PNPLA7: variants seen among roughly 807,000 people sequenced by gnomAD.
PNPLA7 encodes patatin-like phospholipase domain-containing protein 7.
A neutral mutation model predicts 161.7 loss-of-function variants in PNPLA7; 153 were observed. The ratio of observed to expected loss-of-function variants is 0.95; its 90% confidence interval spans 0.83 to 1.08. PNPLA7 has a LOEUF of 1.08. Ranked by LOEUF, PNPLA7 falls within the 50% of genes least tolerant of loss-of-function variation. The pLI is 0.00. For synonymous variants in PNPLA7, 809 were observed against 782.1 expected, an observed-to-expected ratio of 1.03 and a Z score of -0.57; for missense variants, 1,739 against 1,856.6, an observed-to-expected ratio of 0.94 and a Z score of 1.16.
chr9:137,533,385 G>A (rs1835689888), intron 8 of PNPLA7, among the ~76,000 whole-genome samples: 1 of 115,980 alleles, frequency 8.6e-6, no homozygotes, highest in Non-Finnish European at 1.7e-5. Flanking sequence ...AGACTCCTCA[G>A]TGAATGTCCA....
At chr9:137,498,862 C>T (rs147028337) in intron 16 of PNPLA7, among the ~76,000 whole-genome samples, 2,210 of 152,290 alleles carry the variant, frequency 0.015, 29 homozygotes, top group Middle Eastern at 0.044. Flanking sequence ...CGCCGGGCGA[C>T]TCCAGGCCTA....
At chr9:137,542,948 AT>A in intron 6 of PNPLA7, 147 bp from the exon 7 acceptor site, 1 of 751,418 alleles carries the variant, frequency 1.3e-6, no homozygotes, top group Non-Finnish European at 2.1e-6. Context: ...ACCACACAGC[AT>A]TACTGCCAAA....
chr9:137,530,018 G>A (rs1193509495), intron 8 of PNPLA7, among the ~76,000 whole-genome samples: 1 of 150,770 alleles, frequency 6.6e-6, no homozygotes, highest in Non-Finnish European at 1.5e-5. Flanking sequence ...AGGCTGTGGT[G>A]CAGTGGCATG....
rs993329688 is a variant in PNPLA7 at position 137,500,330 on chromosome 9, T to G, written c.1757+361A>C. Among the ~76,000 whole-genome samples, 6 of 152,164 alleles carry G rather than the reference T, an allele frequency of 3.9e-5. No homozygotes were observed. Among genetic ancestry groups the G allele is most frequent in the Admixed American group, 3.9e-4 (6 of 15,286 alleles). On this transcript the variant is annotated intron_variant, in intron 16 of 34. Coordinates refer to ENST00000406427, the MANE Select transcript of PNPLA7 (RefSeq NM_001098537.3). The surrounding 1 kb of genome is among the most constrained non-coding windows in gnomAD (Gnocchi z 5.5). Reference sequence around the variant, plus strand: ...CAGAGGTGGGACGGCTCACGGCCCCTGAAGCCCGGCCCTGCCCCAACGTGG... The same window carrying G: ...CAGAGGTGGGACGGCTCACGGCCCCGGAAGCCCGGCCCTGCCCCAACGTGG...
chr9:137,479,142 ACT>A lies in PNPLA7; in HGVS notation c.2675_2676del (p.Glu892ValfsTer105), dbSNP rs765823036. 1 of 1,590,758 alleles carries A rather than the reference ACT, an allele frequency of 6.3e-7. No individual in the cohort carries two copies. Among genetic ancestry groups the A allele is most frequent in the Admixed American group, 1.8e-5 (1 of 56,854 alleles). ...EEGPAPARTV[E>X]WLNMRSWCSG... ...GAGCACCAGCTCCGCATGTTGAGCC[ACT>A]CCACGGTGCGCGCTGGCGCCGGGCC... On this transcript the variant is annotated frameshift_variant, in exon 24 of 35. Transcript: ENST00000406427. LOFTEE classifies it high-confidence loss of function.
At position 137,495,123 on chromosome 9, in the gene PNPLA7, G is replaced by T. The variant is rs1832982290; in HGVS notation, c.2037C>A (p.Ala679=). ...GAACGGCATGCACCGTGGTCGCCCGGGCCTGGTGGGTCAGTGTCTCCACCT... is the reference window on the plus strand; with the variant it reads ...GAACGGCATGCACCGTGGTCGCCCGTGCCTGGTGGGTCAGTGTCTCCACCT... ...VGVVETLTHQ[A]RATTVHAVRD... is the part of the protein sequence containing the mutation. Residue 679 remains alanine, a synonymous_variant, in exon 19 of 35, where the codon GCC becomes GCA. Coordinates refer to ENST00000406427, the MANE Select transcript of PNPLA7 (RefSeq NM_001098537.3). The T allele has an allele frequency of 4.1e-5, 66 of 1,604,602 alleles. No homozygotes were observed. The highest frequency in any genetic ancestry group is 5.5e-5 in the Non-Finnish European group (65 of 1,178,678).
Position 137,499,235 on chromosome 9 carries a change from GACAC to G in PNPLA7, c.1758-994_1758-991del, listed in dbSNP as rs766782675. On this transcript the variant is annotated intron_variant, in intron 16 of 34. Transcript: ENST00000406427. This position sits in a 1 kb window ranked among gnomAD's most constrained non-coding sequence, Gnocchi z 5.5. ...ACACCGAGACACACACAGACACACAGACACACACAGACACAAGGAGACACACATG... is the reference window on the plus strand; with the variant it reads ...ACACCGAGACACACACAGACACACAGACACAGACACAAGGAGACACACATG... Among the ~76,000 whole-genome samples, 2 of 149,880 alleles carry G rather than the reference GACAC, an allele frequency of 1.3e-5. No individual in the cohort carries two copies. The highest frequency in any genetic ancestry group is 2.1e-4 in the South Asian group (1 of 4,690).
At position 137,464,328 on chromosome 9, in the gene PNPLA7, G is replaced by A. The variant is rs1831366597; in HGVS notation, c.3156+12C>T. The A allele has an allele frequency of 6.2e-7, 1 of 1,611,774 alleles. No individual in the cohort carries two copies. The highest frequency in any genetic ancestry group is 8.5e-7 in the Non-Finnish European group (1 of 1,178,332). ...CTGGGGGCTGCATGGGCTCCTGAGGGTGGGGGTGCACCTCGATCTGCTGGT... is the reference window on the plus strand; with the variant it reads ...CTGGGGGCTGCATGGGCTCCTGAGGATGGGGGTGCACCTCGATCTGCTGGT... On this transcript the variant is annotated intron_variant, in intron 27 of 34. Coordinates refer to ENST00000406427, the MANE Select transcript of PNPLA7 (RefSeq NM_001098537.3).
At chr9:137,461,013 G>T in intron 33 of PNPLA7, 1 of 448,564 alleles carries the variant, frequency 2.2e-6, no homozygotes, top group South Asian at 2.4e-5. Context: ...CACCCTGAGG[G>T]CTCCAGCACC....
rs1040649535 is a variant in PNPLA7 at position 137,486,019 on chromosome 9, CCCA to C, written c.2198-1286_2198-1284del. On this transcript the variant is annotated intron_variant, in intron 20 of 34. Transcript: ENST00000406427. This position sits in a 1 kb window ranked among gnomAD's most constrained non-coding sequence, Gnocchi z 6.0. Reference sequence around the variant, plus strand: ...CACCGCGCCACCAGCCACGCTCCTGCCCACGAGGGTCTCCTGCATCTAGGTGCC... The same window carrying C: ...CACCGCGCCACCAGCCACGCTCCTGCCGAGGGTCTCCTGCATCTAGGTGCC... Among the ~76,000 whole-genome samples the C allele has an allele frequency of 6.6e-6, 1 of 151,922 alleles. No homozygotes were observed. The highest frequency in any genetic ancestry group is 1.5e-5 in the Non-Finnish European group (1 of 67,974).
At chr9:137,495,966 G>A (rs934270437) in intron 18 of PNPLA7, among the ~76,000 whole-genome samples, 7 of 152,178 alleles carry the variant, frequency 4.6e-5, no homozygotes, top group Non-Finnish European at 8.8e-5. Flanking sequence ...CAGAGCTGAG[G>A]CGAGGCGGTG....
At chr9:137,506,822 G>A (rs961293933) in intron 12 of PNPLA7, among the ~76,000 whole-genome samples, 2 of 152,254 alleles carry the variant, frequency 1.3e-5, no homozygotes, top group Non-Finnish European at 2.9e-5. Context: ...ACGGGGTCAC[G>A]CACTTCCAGG....
chr9:137,536,540 C>T (rs1835900701), intron 8 of PNPLA7, among the ~76,000 whole-genome samples: 1 of 152,042 alleles, frequency 6.6e-6, no homozygotes, highest in Admixed American at 6.5e-5. Context: ...TGGTTCAGGT[C>T]GTGAATCTGT....
chr9:137,483,684 T>C (rs1197066173), intron 21 of PNPLA7, among the ~76,000 whole-genome samples: 1 of 152,092 alleles, frequency 6.6e-6, no homozygotes, highest in Non-Finnish European at 1.5e-5. Flanking sequence ...CTAGAACTCC[T>C]GACCTCAAGT....
intron 11 of PNPLA7, 92 bp downstream of exon 11, chr9:137,519,825 G>A (rs373904238): frequency 6.0e-6 from 9 of 1,507,144 alleles, no homozygotes; most frequent in South Asian, 2.5e-5. Flanking sequence ...CCTCAGGCAT[G>A]TGCAAGATGA....
chr9:137,498,367 C>A, intron 16 of PNPLA7, 122 bp from the exon 17 acceptor site: 1 of 1,424,270 alleles, frequency 7.0e-7, no homozygotes, highest in Admixed American at 2.0e-5. Flanking sequence ...GTAGAGAGAC[C>A]ACTGGCAGGG....
intron 12 of PNPLA7, among the ~76,000 whole-genome samples, chr9:137,507,104 C>T (rs1400191211): frequency 2.0e-5 from 3 of 152,238 alleles, no homozygotes; most frequent in Admixed American, 1.3e-4. Flanking sequence ...CGCATGTCTC[C>T]GAGGCTTACG....
At chr9:137,487,724 C>A (rs950938041) in intron 20 of PNPLA7, among the ~76,000 whole-genome samples, 1 of 152,266 alleles carries the variant, frequency 6.6e-6, no homozygotes, top group Non-Finnish European at 1.5e-5. Context: ...ACCAGCCACA[C>A]CGGCACGGAA....
intron 8 of PNPLA7, among the ~76,000 whole-genome samples, chr9:137,532,725 C>T (rs973806607): frequency 4.6e-5 from 7 of 152,158 alleles, no homozygotes; most frequent in Admixed American, 6.5e-5. Flanking sequence ...GCAGGTGAGA[C>T]GGGAAGAGGG....
Sources: gnomAD v4.1 joint callset for allele counts (sites outside exome capture counted in the v4.1 genomes callset) on GRCh38, gnomAD v4.1.1 for gene constraint, Gnocchi (gnomAD v3.1) non-coding constraint, MANE v1.5 for transcripts, NCBI Gene and HGNC (gene_info 2026-07-23, HGNC 2026-07-21) for gene names.